MYO9A: variants seen among roughly 807,000 people sequenced by gnomAD.
MYO9A encodes the protein unconventional myosin-IXa.
In MYO9A, 103 loss-of-function variants were observed where a neutral mutation model predicts 293.3. The observed-to-expected ratio is 0.35, with a 90% confidence interval of 0.30 to 0.41. MYO9A has a LOEUF of 0.41. Ranked by LOEUF, MYO9A falls within the 10% of genes least tolerant of loss-of-function variation. The pLI is 1.00. For synonymous variants in MYO9A, 1,001 were observed against 1,035.7 expected (o/e 0.97, Z 0.64); for missense variants, 2,685 against 3,033.0 (o/e 0.89, Z 2.69).
intron 1 of MYO9A, among the ~76,000 whole-genome samples, chr15:72,091,309 T>C (rs1412848782): frequency 6.6e-6 from 1 of 152,246 alleles, no homozygotes; most frequent in African/African-American, 2.4e-5. Flanking sequence ...TTTTCGTTTT[T>C]ATTTCTTGAT....
chr15:72,070,452 CAAA>C (rs75023888), intron 1 of MYO9A, among the ~76,000 whole-genome samples: 11 of 97,492 alleles, frequency 1.1e-4, no homozygotes, highest in Admixed American at 1.1e-4. Flanking sequence ...GACTCTGCCT[CAAA>C]AAAAAAAAAA....
rs143746439 is a variant in MYO9A at position 71,901,206 on chromosome 15, T to C, written c.3135A>G (p.Ala1045=). 1.9e-5 allele frequency: 31 copies of C among 1,612,350 alleles called. No individual in the cohort carries two copies. Among genetic ancestry groups the C allele is most frequent in the Non-Finnish European group, 2.5e-5 (29 of 1,179,498 alleles). Residue 1045 remains alanine (A), a synonymous_variant, in exon 23 of 42, where the codon GCA becomes GCG. Coordinates refer to ENST00000356056, the MANE Select transcript of MYO9A (RefSeq NM_006901.4). The part of the protein sequence containing the change: ...CRQHFLHLRQ[A]SVIIQRFWRN... ...TGCTTCTCACCTGGATAATAACAGA[T>C]GCTTGTCTCAGATGGAGGAAATGCT...
intron 5 of MYO9A, among the ~76,000 whole-genome samples, chr15:72,019,325 G>T (rs1271081810): frequency 6.6e-6 from 1 of 152,136 alleles, no homozygotes; most frequent in Non-Finnish European, 1.5e-5. Flanking sequence ...TATATAAACT[G>T]AGTCCCATAT....
At position 71,860,969 on chromosome 15, in the gene MYO9A, CAAA is replaced by C. The variant is rs61030744; in HGVS notation, c.6092-1176_6092-1174del. ...GCAACAAAGTTAGACTCCATCTCAC[CAAA>C]AAAAAAAAAAAAAAAAAAAAAATCA... On this transcript the variant is annotated intron_variant, in intron 33 of 41. Transcript: ENST00000356056. Among the ~76,000 whole-genome samples the C allele has an allele frequency of 8.9e-4, 29 of 32,420 alleles. No homozygotes were observed. The East Asian group carries it at 0.018, about 20-fold the overall frequency. 21.3% of individuals were successfully genotyped at this position (32,420 alleles called of 152,430 possible). A position where few individuals can be genotyped will look rare whatever the true frequency, so the allele number is the denominator to read the frequency against.
intron 1 of MYO9A, among the ~76,000 whole-genome samples, chr15:72,113,401 A>G (rs1320885522): frequency 3.3e-5 from 5 of 152,216 alleles, no homozygotes; most frequent in Non-Finnish European, 4.4e-5. Flanking sequence ...ACGAGAGAGA[A>G]AGCACATTAC....
intron 1 of MYO9A, among the ~76,000 whole-genome samples, chr15:72,051,534 G>T (rs1223695748): frequency 6.6e-6 from 1 of 152,122 alleles, no homozygotes. Context: ...CACTCTCAGA[G>T]GCCCAGGAAG....
chr15:71,878,923 A>G (rs923296880), intron 30 of MYO9A, among the ~76,000 whole-genome samples: 1 of 151,526 alleles, frequency 6.6e-6, no homozygotes, highest in African/African-American at 2.4e-5. Context: ...TACCTAGCTA[A>G]TTTTTGTATT....
At chr15:72,059,144 CTCTG>C (rs986462750) in intron 1 of MYO9A, among the ~76,000 whole-genome samples, 6 of 152,310 alleles carry the variant, frequency 3.9e-5, no homozygotes, top group African/African-American at 1.4e-4. Flanking sequence ...CAACAGAAAG[CTCTG>C]TCTGTCCTGC....
chr15:71,989,412 A>G (rs1293583377), intron 11 of MYO9A, among the ~76,000 whole-genome samples: 1 of 152,078 alleles, frequency 6.6e-6, no homozygotes, highest in Non-Finnish European at 1.5e-5. Context: ...TGGTTCCAGG[A>G]CTCCCTGTGG....
chr15:71,902,568 C>A (rs901792261), intron 22 of MYO9A, among the ~76,000 whole-genome samples: 1 of 151,954 alleles, frequency 6.6e-6, no homozygotes, highest in East Asian at 1.9e-4. Flanking sequence ...TTAAAGTGAA[C>A]GGTATGCCAA....
At chr15:71,971,524 C>T (rs1442009396) in intron 12 of MYO9A, among the ~76,000 whole-genome samples, 1 of 149,760 alleles carries the variant, frequency 6.7e-6, no homozygotes, top group African/African-American at 2.5e-5. Context: ...TTCAAGGCTT[C>T]AGTAAGCCAT....
rs1238933053 is a variant in MYO9A, at chr15:72,103,207, AAAGCAGCAGCAGAAGCAG to A, written c.-72+14455_-72+14472del. On this transcript the variant is annotated intron_variant, in intron 1 of 41. Coordinates refer to ENST00000356056, the MANE Select transcript of MYO9A (RefSeq NM_006901.4). ...TAAGACTAAGTCTCAAGAAAAAAAA[AAAGCAGCAGCAGAAGCAG>A]AAGCAGCAGCAGAAGCAGCAGCAGC... Among the ~76,000 whole-genome samples, 33 of 146,570 alleles carry A rather than the reference AAAGCAGCAGCAGAAGCAG, an allele frequency of 2.3e-4. No homozygotes were observed. In the South Asian group the frequency reaches 5.9e-3, roughly 26 times the overall value.
rs1182643819 is a variant in MYO9A, at chr15:71,851,430, A to G, written c.6476-72T>C. 11 of 1,231,602 alleles carry G rather than the reference A, an allele frequency of 8.9e-6. No homozygotes were observed. In the African/African-American group the frequency reaches 1.2e-4, roughly 13 times the overall value. The allele number at this position is 1,231,602 out of a possible 1,614,324, so 76.3% of individuals were successfully genotyped here. On this transcript the variant is annotated intron_variant, in intron 36 of 41. Coordinates refer to ENST00000356056, the MANE Select transcript of MYO9A (RefSeq NM_006901.4). ...ACAGTGTATCTTCCTCCCAGACACT[A>G]TGAAGCAAAGAAGGCTGGCTACAGA...
intron 1 of MYO9A, among the ~76,000 whole-genome samples, chr15:72,103,865 G>C (rs549609954): frequency 1.3e-5 from 2 of 152,300 alleles, no homozygotes; most frequent in African/African-American, 4.8e-5. Context: ...CTCCACTGAG[G>C]GGGGATATGT....
At chr15:72,061,497 C>G (rs930412488) in intron 1 of MYO9A, among the ~76,000 whole-genome samples, 28 of 148,140 alleles carry the variant, frequency 1.9e-4, no homozygotes, top group Admixed American at 1.9e-3. Context: ...GGATTCACCA[C>G]AAGCTGGCTC....
intron 15 of MYO9A, among the ~76,000 whole-genome samples, chr15:71,939,577 GCAT>G (rs1344019184): frequency 6.6e-6 from 1 of 152,034 alleles, no homozygotes; most frequent in Non-Finnish European, 1.5e-5. Flanking sequence ...TTATTTTGAT[GCAT>G]CATTTTTTAG....
Position 71,835,664 on chromosome 15 carries a change from G to T in MYO9A, c.6838-5353C>A, listed in dbSNP as rs2140852114. Among the ~76,000 whole-genome samples the T allele has an allele frequency of 2.0e-5, 3 of 152,176 alleles. No homozygotes were observed. In the South Asian group the frequency reaches 6.2e-4, roughly 32 times the overall value. ...AAGAGATATATCATGTTCACAGATGGGAAAAATCAGTATCGTAAAAATGTC... is the reference window on the plus strand; with the variant it reads ...AAGAGATATATCATGTTCACAGATGTGAAAAATCAGTATCGTAAAAATGTC... On this transcript the variant is annotated intron_variant, in intron 39 of 41. Coordinates refer to ENST00000356056, the MANE Select transcript of MYO9A (RefSeq NM_006901.4).
intron 14 of MYO9A, 21 bp from the exon 15 acceptor site, chr15:71,951,917 A>G (rs1295762679): frequency 1.3e-6 from 2 of 1,564,216 alleles, no homozygotes; most frequent in South Asian, 2.4e-5. Context: ...AAAAAAAAAC[A>G]AACAAAAAAA....
intron 39 of MYO9A, among the ~76,000 whole-genome samples, chr15:71,830,913 T>G (rs1025910038): frequency 6.6e-6 from 1 of 151,778 alleles, no homozygotes; most frequent in Admixed American, 6.6e-5. Context: ...GTGAGATATA[T>G]TTTCTTAGGA....
Sources: allele counts gnomAD v4.1 joint callset (sites outside exome capture counted in the v4.1 genomes callset), GRCh38; gene constraint gnomAD v4.1.1; transcripts MANE v1.5; gene names NCBI Gene and HGNC (gene_info 2026-07-23, HGNC 2026-07-21).